The following KIF2C variants were observed in gnomAD, a reference collection of about 807,000 sequenced individuals.
KIF2C encodes the protein kinesin-like protein KIF2C.
KIF2C carries 34 observed loss-of-function variants against 97.4 expected under a neutral mutation model. The observed-to-expected ratio is 0.35, with a 90% CI of 0.27 to 0.46. The LOEUF (loss-of-function observed/expected upper bound fraction) is 0.46. Among genes scored for constraint, KIF2C ranks in the 20% least tolerant of loss-of-function variants. KIF2C has a pLI of 1.00. For missense variants in KIF2C, 750 were observed against 907.6 expected, an observed-to-expected ratio of 0.83 and a Z score of 2.23; for synonymous variants, 313 against 318.2, an observed-to-expected ratio of 0.98 and a Z score of 0.17.
intron 20 of KIF2C, 56 bp from the exon 21 acceptor site, chr1:44,767,041 A>T: frequency 6.2e-7 from 1 of 1,607,430 alleles, no homozygotes. Flanking sequence ...CCCTGAGTGA[A>T]TGGGGGCTCC....
chr1:44,756,847 T>C (rs1176819549), intron 10 of KIF2C, among the ~76,000 whole-genome samples: 1 of 149,716 alleles, frequency 6.7e-6, no homozygotes, highest in Non-Finnish European at 1.5e-5. Flanking sequence ...CCACTGCACC[T>C]GGCCCCAGAT....
intron 1 of KIF2C, 114 bp from the exon 2 acceptor site, chr1:44,740,799 T>TTTTA: frequency 2.5e-6 from 1 of 404,750 alleles, no homozygotes; most frequent in Admixed American, 3.8e-5. Flanking sequence ...TTTTTTTTTT[T>TTTTA]AAGGTAGCTG....
chr1:44,762,247 C>T lies in KIF2C; in HGVS notation c.1752-99C>T, dbSNP rs752406743. On this transcript the variant is annotated intron_variant, in intron 17 of 20. Transcript: ENST00000372224. Reference sequence around the variant, plus strand: ...GCTGAAGGCAAGGTTGCCATTCCATCCCCTTGGAGCCTCAAGCCTCGAAGC... The same window carrying T: ...GCTGAAGGCAAGGTTGCCATTCCATTCCCTTGGAGCCTCAAGCCTCGAAGC... 5.3e-6 allele frequency: 6 copies of T among 1,128,952 alleles called. No individual in the cohort carries two copies. In the East Asian group the frequency reaches 1.2e-4, roughly 22 times the overall value. The allele number at this position is 1,128,952 out of a possible 1,614,324, so 69.9% of individuals were successfully genotyped here.
rs926994908 is a variant in KIF2C, at chr1:44,759,334, G to A, written c.1353G>A (p.Met451Ile). 1.2e-6 allele frequency: 2 copies of A among 1,614,022 alleles called. No homozygotes were observed. The highest frequency in any genetic ancestry group is 2.2e-5 in the East Asian group (1 of 44,898). Residue 451 changes from methionine (M) to isoleucine (I), a missense_variant, in exon 14 of 21, where the codon ATG becomes ATA. Coordinates refer to ENST00000372224, the MANE Select transcript of KIF2C (RefSeq NM_006845.4). ...ATGATGTCATCAAGATGATCGACAT[G>A]GGCAGCGCCTGCAGGTGAGAGTCCT... ...SADDVIKMIDMGSACRTSGQT... is the reference protein window; with the variant it reads ...SADDVIKMIDIGSACRTSGQT...
chr1:44,754,711 C>T (rs537888504), intron 7 of KIF2C, 39 bp from the exon 8 acceptor site: 2 of 1,224,250 alleles, frequency 1.6e-6, no homozygotes, highest in South Asian at 2.4e-5. Flanking sequence ...GCACTTATAT[C>T]TTAACAGTCT....
intron 4 of KIF2C, among the ~76,000 whole-genome samples, chr1:44,748,707 A>ATTTT (rs928683142): frequency 1.5e-4 from 18 of 123,112 alleles, no homozygotes; most frequent in African/African-American, 2.9e-4. Flanking sequence ...CACCTGGCTA[A>ATTTT]TTTTTTTTTT....
In KIF2C at chr1:44,766,868, C is replaced by T; in HGVS notation, c.2014C>T (p.Pro672Ser). Residue 672 changes from proline (P) to serine (S), a missense_variant, in exon 20 of 21, where the codon CCA (proline) becomes TCA (serine). Physicochemically the swap from Pro to Ser is moderately conservative, Grantham distance 74. Transcript: ENST00000372224. ...TGAGCTCTCTGAGATGACCGAGCAG[C>T]CAGACTATGACCTGGAGACCTTTGT... is the stretch of plus-strand genomic sequence containing the variant. ...WLELSEMTEQPDYDLETFVNK... is the reference protein window; with the variant it reads ...WLELSEMTEQSDYDLETFVNK... 6.2e-7 allele frequency: 1 copy of T among 1,614,208 alleles called. No individual in the cohort carries two copies. The highest frequency in any genetic ancestry group is 8.5e-7 in the Non-Finnish European group (1 of 1,180,028).
rs549727594 is a variant in KIF2C, at chr1:44,753,360, G to C, written c.562+106G>C. On this transcript the variant is annotated intron_variant, in intron 6 of 20. Transcript: ENST00000372224. ...TGGCACCTGAGTTCAAGCCCTGTTTGTCACGTGGGGGCATGTTTTCCTCTG... is the reference window on the plus strand; with the variant it reads ...TGGCACCTGAGTTCAAGCCCTGTTTCTCACGTGGGGGCATGTTTTCCTCTG... 354 of 1,268,204 alleles carry C rather than the reference G, an allele frequency of 2.8e-4. No homozygotes were observed. In the African/African-American group the frequency reaches 4.7e-3, roughly 17 times the overall value. 78.6% of individuals were successfully genotyped at this position (1,268,204 alleles called of 1,614,324 possible).
At chr1:44,748,000 C>T (rs907836622) in intron 4 of KIF2C, among the ~76,000 whole-genome samples, 2 of 152,154 alleles carry the variant, frequency 1.3e-5, no homozygotes, top group Non-Finnish European at 2.9e-5. Context: ...TTTCTTCCCT[C>T]GGGGCTCAGC....
At chr1:44,744,368 A>C (rs962756319) in intron 2 of KIF2C, among the ~76,000 whole-genome samples, 1 of 152,166 alleles carries the variant, frequency 6.6e-6, no homozygotes, top group Non-Finnish European at 1.5e-5. Flanking sequence ...TTGGCCTCCT[A>C]AAGTGCTGGG....
chr1:44,762,017 C>A, intron 17 of KIF2C, 34 bp downstream of exon 17: 1 of 1,583,704 alleles, frequency 6.3e-7, no homozygotes, highest in Non-Finnish European at 8.7e-7. Flanking sequence ...GGATGCGGAA[C>A]AGGACTGGGC....
At chr1:44,741,115 A>C in intron 2 of KIF2C, 108 bp downstream of exon 2, 6 of 805,246 alleles carry the variant, frequency 7.5e-6, no homozygotes, top group South Asian at 1.7e-5. Context: ...TGCTCTTCTC[A>C]CTCACGCCTG....
intron 2 of KIF2C, among the ~76,000 whole-genome samples, chr1:44,741,704 C>T (rs1443565162): frequency 6.6e-6 from 1 of 151,790 alleles, no homozygotes; most frequent in Non-Finnish European, 1.5e-5. Context: ...AAATGGTCTT[C>T]TTGGCTGGGC....
chr1:44,750,412 A>C, intron 4 of KIF2C, 30 bp from the exon 5 acceptor site: 1 of 1,406,432 alleles, frequency 7.1e-7, no homozygotes, highest in Non-Finnish European at 9.4e-7. Flanking sequence ...ATCGTGCAGC[A>C]CTGACTGGCT....
At chr1:44,759,400 G>A in intron 14 of KIF2C, 52 bp downstream of exon 14, 1 of 1,605,652 alleles carries the variant, frequency 6.2e-7, no homozygotes, top group Non-Finnish European at 8.5e-7. Flanking sequence ...TGGTTTATGA[G>A]TAAAGTCTAG....
At position 44,767,401 on chromosome 1, in the gene KIF2C, G is replaced by C. The variant is rs1650529076; in HGVS notation, c.*222G>C. The C allele has an allele frequency of 4.2e-6, 2 of 476,132 alleles. No homozygotes were observed. The allele number at this position is 476,132 out of a possible 1,614,324, so 29.5% of individuals were successfully genotyped here. A position where few individuals can be genotyped will look rare whatever the true frequency, so the allele number is the denominator to read the frequency against. On this transcript the variant is annotated 3_prime_UTR_variant, in exon 21 of 21. Transcript: ENST00000372224. ...TCAGTTGTCGCCCTCACGAGAGGAA[G>C]GAGCTCTTAGTTACCCTTTTGTGTT... is the stretch of plus-strand genomic sequence containing the variant.
Position 44,739,873 on chromosome 1 carries a change from GGGTTAGCGAAATTGA to G in KIF2C, c.-55_-41del, listed in dbSNP as rs1217988846. 1.1e-5 allele frequency: 16 copies of G among 1,493,922 alleles called. No homozygotes were observed. The East Asian group carries it at 3.4e-4, about 32-fold the overall frequency. The allele number at this position is 1,493,922 out of a possible 1,614,324, so 92.5% of individuals were successfully genotyped here. On this transcript the variant is annotated 5_prime_UTR_variant, in exon 1 of 21. Transcript: ENST00000372224. ...GTTTACGCGGCGTTAAGACTTCGTA[GGGTTAGCGAAATTGA>G]GGTTTCTTGGTATTGCGCGTTTCTC...
In KIF2C at chr1:44,747,295, G is replaced by A. The variant is rs1244375180; in HGVS notation, c.166-89G>A. 55 of 1,068,576 alleles carry A rather than the reference G, an allele frequency of 5.1e-5. 1 individual carries two copies. In the South Asian group the frequency reaches 6.0e-4, roughly 12 times the overall value. The allele number at this position is 1,068,576 out of a possible 1,614,324, so 66.2% of individuals were successfully genotyped here. Reference sequence around the variant, plus strand: ...TGCCCTCCAGCCTGGGCGACAGAGCGATACTCTGTCTCAAAAAAAAAAAAA... The same window carrying A: ...TGCCCTCCAGCCTGGGCGACAGAGCAATACTCTGTCTCAAAAAAAAAAAAA... On this transcript the variant is annotated intron_variant, in intron 2 of 20. Transcript: ENST00000372224.
chr1:44,753,212 C>A lies in KIF2C; in HGVS notation c.520C>A (p.His174Asn). 6.2e-7 allele frequency: 1 copy of A among 1,613,964 alleles called. No homozygotes were observed. The highest frequency in any genetic ancestry group is 1.3e-5 in the African/African-American group (1 of 75,050). The change falls in exon 6 of 21, where the codon CAT becomes AAT. Residue 174 changes from histidine (H) to asparagine (N), a missense_variant. Transcript: ENST00000372224. The part of the protein sequence containing the change: ...MVSEEMEEQV[H>N]SIRGSSSANP... ...CAGCGAGGAGATGGAAGAGCAAGTC[C>A]ATTCCATCCGAGGCAGCTCTTCTGC...
Sources: gnomAD v4.1 joint callset for allele counts (sites outside exome capture counted in the v4.1 genomes callset) on GRCh38, gnomAD v4.1.1 for gene constraint, MANE v1.5 for transcripts, NCBI Gene and HGNC (gene_info 2026-07-23, HGNC 2026-07-21) for gene names.